TMTC1: variants seen among roughly 807,000 people sequenced by gnomAD.
TMTC1 encodes transmembrane O-mannosyltransferase targeting cadherins 1.
TMTC1 carries 73 observed loss-of-function variants against 104.8 expected under a neutral mutation model. The observed-to-expected ratio is 0.70, with a 90% CI of 0.58 to 0.85. TMTC1 has a LOEUF of 0.85. TMTC1 is among the 40% of genes least tolerant of loss of function. TMTC1 has a pLI of 0.00. For synonymous variants in TMTC1, 434 were observed against 428.7 expected, an observed-to-expected ratio of 1.01 and a Z score of -0.15; for missense variants, 1,035 against 1,096.1, an observed-to-expected ratio of 0.94 and a Z score of 0.79.
intron 5 of TMTC1, among the ~76,000 whole-genome samples, chr12:29,677,359 G>A (rs756561227): frequency 3.9e-5 from 6 of 152,056 alleles, no homozygotes; most frequent in Non-Finnish European, 7.4e-5. Context: ...AGCACATCCT[G>A]CAGTTATTTC....
rs571129683 is a variant in TMTC1 at position 29,722,172 on chromosome 12, C to A, written c.938+29494G>T. 4.6e-5 allele frequency among the ~76,000 whole-genome samples: 7 copies of A among 152,250 alleles called. No individual in the cohort carries two copies. In the East Asian group the frequency reaches 1.2e-3, roughly 25 times the overall value. ...GACCCCTTGAAAGGGTCTTGGGGAA[C>A]CTTCAGGGTCCCTAGATGATATATT... On this transcript the variant is annotated intron_variant, in intron 5 of 17. Transcript: ENST00000539277.
rs148543586 is a variant in TMTC1, at chr12:29,689,657, C to T, written c.939-56321G>A. ...AGGCACAAAGATTTTTAATACTTTC[C>T]TGAACATTCAGAATTTAAATTAATT... On this transcript the variant is annotated intron_variant, in intron 5 of 17. Transcript: ENST00000539277. Among the ~76,000 whole-genome samples the T allele has an allele frequency of 3.7e-3, 567 of 152,274 alleles. 3 individuals are homozygous for T. Among genetic ancestry groups the T allele is most frequent in the African/African-American group, 0.013 (552 of 41,554 alleles).
intron 5 of TMTC1, chr12:29,659,872 A>G: frequency 6.6e-7 from 1 of 1,526,418 alleles, no homozygotes; most frequent in Non-Finnish European, 8.8e-7. Flanking sequence ...AAAATTATTT[A>G]TACTAACCTC....
chr12:29,553,188 A>G (rs910076988), intron 10 of TMTC1, among the ~76,000 whole-genome samples: 1 of 152,238 alleles, frequency 6.6e-6, no homozygotes, highest in Admixed American at 6.5e-5. Flanking sequence ...GTGAACAGGA[A>G]AAGGAGTTCA....
chr12:29,591,400 G>C (rs1439434990), intron 7 of TMTC1, among the ~76,000 whole-genome samples: 1 of 152,138 alleles, frequency 6.6e-6, no homozygotes, highest in Non-Finnish European at 1.5e-5. Context: ...GGTCAGACTG[G>C]TGAAGGAGGT....
At chr12:29,706,169 A>T (rs375164326) in intron 5 of TMTC1, among the ~76,000 whole-genome samples, 3 of 152,322 alleles carry the variant, frequency 2.0e-5, no homozygotes, top group African/African-American at 7.2e-5. Flanking sequence ...TAAATGGCAC[A>T]CAAACAAGGC....
At chr12:29,513,240 T>G (rs1943889419) in intron 16 of TMTC1, among the ~76,000 whole-genome samples, 1 of 152,146 alleles carries the variant, frequency 6.6e-6, no homozygotes, top group East Asian at 1.9e-4. Flanking sequence ...TATAGGATTC[T>G]TGTGAAGATT....
chr12:29,781,464 G>A (rs768763016), intron 1 of TMTC1, among the ~76,000 whole-genome samples: 6 of 152,020 alleles, frequency 3.9e-5, no homozygotes, highest in Non-Finnish European at 5.9e-5. Context: ...CTTAATCAAT[G>A]GTCTTACTTC....
chr12:29,598,877 G>C (rs1047943760), intron 7 of TMTC1, among the ~76,000 whole-genome samples: 4 of 152,184 alleles, frequency 2.6e-5, no homozygotes, highest in Admixed American at 6.5e-5. Flanking sequence ...CTGCAAACAA[G>C]GACAATTTAA....
At chr12:29,731,563 T>C in intron 5 of TMTC1, among the ~76,000 whole-genome samples, 1 of 152,172 alleles carries the variant, frequency 6.6e-6, no homozygotes, top group Non-Finnish European at 1.5e-5. Context: ...CCATTTATGC[T>C]TGAGGTTGCA....
Position 29,755,730 on chromosome 12 carries a change from A to C in TMTC1, c.710T>G (p.Leu237Arg). ...GVCLVYDLFS[L>R]SNKQDKSSNG... is the part of the protein sequence containing the mutation. ...TTACGACTTGTCTTGCTTGTTGGAA[A>C]GGGAAAAGAGGTCATAAACCAAGCA... The change falls in exon 4 of 18, where the codon CTT becomes CGT. Residue 237 changes from leucine (L) to arginine (R), a missense_variant. Physicochemically the swap from Leu to Arg is moderately radical, Grantham distance 102 (BLOSUM62 -2). Transcript: ENST00000539277. The C allele has an allele frequency of 6.2e-7, 1 of 1,613,488 alleles. No homozygotes were observed. Among genetic ancestry groups the C allele is most frequent in the Non-Finnish European group, 8.5e-7 (1 of 1,179,764 alleles).
At chr12:29,707,161 T>C (rs1233987885) in intron 5 of TMTC1, among the ~76,000 whole-genome samples, 9 of 152,058 alleles carry the variant, frequency 5.9e-5, no homozygotes, top group Non-Finnish European at 1.5e-5. Flanking sequence ...TGGGAATAGG[T>C]TGGGGACTGT....
chr12:29,513,002 G>A (rs1169163851), intron 16 of TMTC1, among the ~76,000 whole-genome samples: 2 of 152,094 alleles, frequency 1.3e-5, no homozygotes, highest in African/African-American at 4.8e-5. Context: ...AGTTTTAGGG[G>A]AAAGAAAGAA....
At chr12:29,643,621 C>G (rs1215554327) in intron 5 of TMTC1, among the ~76,000 whole-genome samples, 8 of 10,222 alleles carry the variant, frequency 7.8e-4, no homozygotes, top group South Asian at 3.8e-3. Flanking sequence ...TAATATATAT[C>G]TATATATTAT....
chr12:29,575,204 T>C (rs1234435311), intron 8 of TMTC1, among the ~76,000 whole-genome samples: 3 of 151,950 alleles, frequency 2.0e-5, no homozygotes, highest in Non-Finnish European at 2.9e-5. Flanking sequence ...AATGATAAAA[T>C]ATAGACAGAT....
chr12:29,745,954 C>T (rs76779196), intron 5 of TMTC1, among the ~76,000 whole-genome samples: 2,649 of 152,178 alleles, frequency 0.017, 34 homozygotes, highest in Middle Eastern at 0.071. Flanking sequence ...AGAGAGAATT[C>T]CATAGTGAAA....
intron 11 of TMTC1, among the ~76,000 whole-genome samples, chr12:29,529,143 G>A (rs1944429878): frequency 1.3e-5 from 2 of 152,174 alleles, no homozygotes; most frequent in Admixed American, 6.5e-5. Flanking sequence ...TCATGTGGCT[G>A]CTAGAAAACT....
intron 7 of TMTC1, among the ~76,000 whole-genome samples, chr12:29,587,526 GT>G (rs1946171428): frequency 6.6e-6 from 1 of 152,018 alleles, no homozygotes; most frequent in African/African-American, 2.4e-5. Context: ...TAGAGATGGG[GT>G]TTCGCTATGT....
At chr12:29,645,530 A>G (rs764265671) in intron 5 of TMTC1, among the ~76,000 whole-genome samples, 14 of 152,206 alleles carry the variant, frequency 9.2e-5, no homozygotes, top group Non-Finnish European at 1.5e-5. Flanking sequence ...AGAGAGCTTC[A>G]TCAGAGCAGG....
Sources: allele counts gnomAD v4.1 joint callset (sites outside exome capture counted in the v4.1 genomes callset), GRCh38; gene constraint gnomAD v4.1.1; transcripts MANE v1.5; gene names NCBI Gene and HGNC (gene_info 2026-07-23, HGNC 2026-07-21).